Variants in PPARGC1A observed in about 807,000 individuals in gnomAD.
PPARGC1A encodes peroxisome proliferator-activated receptor gamma coactivator 1-alpha.
In PPARGC1A, 25 loss-of-function variants were observed where a neutral mutation model predicts 88.7. The ratio of observed to expected loss-of-function variants is 0.28; its 90% CI spans 0.21 to 0.39. PPARGC1A has a LOEUF of 0.39. Among genes scored for constraint, PPARGC1A ranks in the 10% least tolerant of loss-of-function variants. PPARGC1A has a pLI of 1.00. For missense variants in PPARGC1A, 880 were observed against 968.7 expected (o/e 0.91, Z 1.22); for synonymous variants, 363 against 355.6 (o/e 1.02, Z -0.24).
the PPARGC1A span, among the ~76,000 whole-genome samples, chr4:24,415,097 T>C: frequency 6.6e-6 from 1 of 151,562 alleles, no homozygotes; most frequent in Non-Finnish European, 1.5e-5. Flanking sequence ...AGCTGAGGCA[T>C]GAGAATCACT....
chr4:24,089,154 T>G, the PPARGC1A span, among the ~76,000 whole-genome samples: 3 of 152,198 alleles, frequency 2.0e-5, no homozygotes, highest in Non-Finnish European at 4.4e-5. Context: ...CCATCACAAT[T>G]CATTCTTAAA....
chr4:24,410,689 A>C, the PPARGC1A span, among the ~76,000 whole-genome samples: 6 of 152,198 alleles, frequency 3.9e-5, no homozygotes, highest in Non-Finnish European at 7.3e-5. Context: ...AGAATAAAGC[A>C]GGCAGAAGAA....
At chr4:24,396,975 C>T in the PPARGC1A span, among the ~76,000 whole-genome samples, 422 of 152,290 alleles carry the variant, frequency 2.8e-3, 10 homozygotes, top group East Asian at 0.058. Context: ...CACAATTTTT[C>T]TGCTTTACAA....
chr4:23,814,255 G>T lies in PPARGC1A; in HGVS notation c.1228C>A (p.Leu410Ile), dbSNP rs34514918. The change falls in exon 8 of 13, where the codon CTA becomes ATA. Residue 410 changes from leucine (L) to isoleucine (I), a missense_variant. By Grantham distance (5) the Leu-to-Ile change is conservative. Coordinates refer to ENST00000264867, the MANE Select transcript of PPARGC1A (RefSeq NM_013261.5). The part of the protein sequence containing the change: ...ISQELQDSRQ[L>I]ENKDVSSDWQ... Reference sequence around the variant, plus strand: ...TCAGAGGAGACATCTTTATTTTCTAGTTGTCTAGAGTCTTGGAGCTCCTGT... The same window carrying T: ...TCAGAGGAGACATCTTTATTTTCTATTTGTCTAGAGTCTTGGAGCTCCTGT... 2,142 of 1,614,034 alleles carry T rather than the reference G, an allele frequency of 1.3e-3. 27 individuals carry two copies. In the African/African-American group the frequency reaches 0.021, roughly 15 times the overall value.
the PPARGC1A span, among the ~76,000 whole-genome samples, chr4:24,429,032 C>G: frequency 6.6e-6 from 1 of 152,136 alleles, no homozygotes; most frequent in Admixed American, 6.5e-5. Flanking sequence ...TGTGAAATTT[C>G]TCTGCAAATT....
the PPARGC1A span, among the ~76,000 whole-genome samples, chr4:24,269,797 G>T: frequency 3.9e-3 from 589 of 152,242 alleles, 6 homozygotes; most frequent in African/African-American, 0.013. Flanking sequence ...TAATTCAAAA[G>T]TCCTCAGTTC....
the PPARGC1A span, among the ~76,000 whole-genome samples, chr4:24,325,618 C>T: frequency 2.0e-5 from 3 of 152,170 alleles, no homozygotes; most frequent in Non-Finnish European, 4.4e-5. Flanking sequence ...TCCCAGAGCC[C>T]CTGGAACTCT....
At chr4:23,854,595 A>G (rs1729858730) in intron 2 of PPARGC1A, among the ~76,000 whole-genome samples, 1 of 152,168 alleles carries the variant, frequency 6.6e-6, no homozygotes, top group African/African-American at 2.4e-5. Context: ...AAGGAATAAG[A>G]ACTATATAAA....
At chr4:24,173,293 T>C in the PPARGC1A span, among the ~76,000 whole-genome samples, 1 of 121,502 alleles carries the variant, frequency 8.2e-6, no homozygotes, top group Non-Finnish European at 1.7e-5. Flanking sequence ...AAAAGCAAAA[T>C]AGCAGTGGCT....
At chr4:23,908,659 A>G (rs1720360932), upstream of PPARGC1A, among the ~76,000 whole-genome samples, 1 of 152,092 alleles carries the variant, frequency 6.6e-6, no homozygotes, top group African/African-American at 2.4e-5. Context: ...TCCCTACATG[A>G]ACTCTGCCTA....
At chr4:24,115,468 C>G in the PPARGC1A span, among the ~76,000 whole-genome samples, 2 of 152,120 alleles carry the variant, frequency 1.3e-5, no homozygotes, top group South Asian at 2.1e-4. Context: ...GCATACATCA[C>G]TCTGTGCACG....
the PPARGC1A span, among the ~76,000 whole-genome samples, chr4:24,395,162 T>C: frequency 6.6e-6 from 1 of 152,064 alleles, no homozygotes; most frequent in East Asian, 1.9e-4. Context: ...CTTCTTTGTA[T>C]TTTTCAATAT....
At chr4:24,467,895 C>A in the PPARGC1A span, among the ~76,000 whole-genome samples, 1 of 151,978 alleles carries the variant, frequency 6.6e-6, no homozygotes, top group Non-Finnish European at 1.5e-5. Context: ...GGGCAGGGAG[C>A]AGATAAAGAA....
chr4:24,442,402 G>A, the PPARGC1A span, among the ~76,000 whole-genome samples: 2 of 152,170 alleles, frequency 1.3e-5, no homozygotes, highest in East Asian at 3.8e-4. Flanking sequence ...TTTAAAAAAT[G>A]TGGGGCTGCA....
chr4:24,015,954 C>T, the PPARGC1A span, among the ~76,000 whole-genome samples: 1 of 152,134 alleles, frequency 6.6e-6, no homozygotes, highest in Non-Finnish European at 1.5e-5. Context: ...ATCCCAACAG[C>T]AGAAAGGCAT....
chr4:23,817,577 C>T (rs531847784), intron 7 of PPARGC1A, among the ~76,000 whole-genome samples: 3 of 152,010 alleles, frequency 2.0e-5, no homozygotes, highest in East Asian at 3.9e-4. Flanking sequence ...TCAAATATGC[C>T]CTGTGAGTAA....
chr4:23,835,849 A>C (rs1469568197), intron 2 of PPARGC1A, among the ~76,000 whole-genome samples: 1 of 152,138 alleles, frequency 6.6e-6, no homozygotes, highest in African/African-American at 2.4e-5. Context: ...GAGTTTCAAC[A>C]ATCAAACACC....
At chr4:24,378,076 C>G in the PPARGC1A span, among the ~76,000 whole-genome samples, 1 of 152,188 alleles carries the variant, frequency 6.6e-6, no homozygotes, top group Non-Finnish European at 1.5e-5. Flanking sequence ...GTGGCTCACA[C>G]CTGTAATACC....
At chr4:24,299,530 C>A in the PPARGC1A span, among the ~76,000 whole-genome samples, 1 of 151,572 alleles carries the variant, frequency 6.6e-6, no homozygotes, top group African/African-American at 2.4e-5. Flanking sequence ...TTAAGCGTCT[C>A]GTGCAGCCCT....
Sources: gnomAD v4.1 joint callset for allele counts (sites outside exome capture counted in the v4.1 genomes callset) on GRCh38, gnomAD v4.1.1 for gene constraint, MANE v1.5 for transcripts, NCBI Gene and HGNC (gene_info 2026-07-23, HGNC 2026-07-21) for gene names.